Variants in ZC3H12B observed in about 807,000 individuals in gnomAD.
The protein encoded by ZC3H12B is probable ribonuclease ZC3H12B.
A neutral mutation model predicts 43.9 loss-of-function variants in ZC3H12B; 7 were observed. The observed-to-expected ratio is 0.16, with a 90% CI of 0.09 to 0.30. The LOEUF (loss-of-function observed/expected upper bound fraction) is 0.30. Among genes scored for constraint, ZC3H12B ranks in the 10% least tolerant of loss-of-function variants. The probability of loss-of-function intolerance (pLI) is 1.00; values close to 1 mark genes in which losing one functional copy is unlikely to be tolerated. For missense variants in ZC3H12B, 475 were observed against 670.2 expected, an observed-to-expected ratio of 0.71 and a Z score of 3.22; for synonymous variants, 222 against 241.7, an observed-to-expected ratio of 0.92 and a Z score of 0.76.
the ZC3H12B span, among the ~76,000 whole-genome samples, chrX:65,349,565 T>C: frequency 9.0e-6 from 1 of 111,202 alleles, no homozygotes; most frequent in Non-Finnish European, 1.9e-5. Context: ...AAAAAATCAA[T>C]GAATCCAGGA....
rs191424503 is a variant in ZC3H12B, at chrX:65,388,618, G to T, written n.296-9975G>T. ...TCCTTTAGCTCAGAGTAGTTTGATT[G>T]TCTTAAGCCTTCTTCTCTCAACTCG... On this transcript the variant is annotated intron_variant and non_coding_transcript_variant, in intron 2 of 5. Coordinates refer to the ZC3H12B transcript ENST00000617377. Among the ~76,000 whole-genome samples the T allele has an allele frequency of 5.9e-3, 659 of 111,211 alleles. 5 individuals carry two copies. The highest frequency in any genetic ancestry group is 0.02 in the African/African-American group (611 of 30,613).
the ZC3H12B span, among the ~76,000 whole-genome samples, chrX:65,047,815 A>T: frequency 1.4e-4 from 15 of 109,983 alleles, no homozygotes; most frequent in East Asian, 2.8e-4. Context: ...TTTTTTTTTT[A>T]AAAGAAAAAC....
chrX:65,339,220 A>C, the ZC3H12B span, among the ~76,000 whole-genome samples: 5 of 111,301 alleles, frequency 4.5e-5, no homozygotes, highest in Non-Finnish European at 7.5e-5. Flanking sequence ...ACAGATCTCC[A>C]GAGGGAAGGC....
the ZC3H12B span, among the ~76,000 whole-genome samples, chrX:65,249,338 C>A: frequency 9.0e-6 from 1 of 111,702 alleles, no homozygotes; most frequent in Non-Finnish European, 1.9e-5. Context: ...GTATCCTATC[C>A]CTACTTTATG....
At chrX:65,122,190 C>G in the ZC3H12B span, among the ~76,000 whole-genome samples, 1 of 110,775 alleles carries the variant, frequency 9.0e-6, no homozygotes, top group Non-Finnish European at 1.9e-5. Context: ...GAGTTCAATT[C>G]AAGAAAGTCT....
At chrX:65,101,152 A>C in the ZC3H12B span, among the ~76,000 whole-genome samples, 1 of 112,215 alleles carries the variant, frequency 8.9e-6, no homozygotes, top group Admixed American at 9.4e-5. Flanking sequence ...ACTACTGGGC[A>C]CATAATGAAA....
rs5902584 is a variant in ZC3H12B, at chrX:65,503,622, A to AT, written c.*425dup. On this transcript the variant is annotated 3_prime_UTR_variant, in exon 5 of 5. Transcript: ENST00000338957. ...TTTTCGTTTCTTTCTTTCTTTCTTTATTTTTTTTTTTTGAGACAGAATCTC... is the reference window on the plus strand; with the variant it reads ...TTTTCGTTTCTTTCTTTCTTTCTTTATTTTTTTTTTTTTGAGACAGAATCTC... 976 of 104,651 alleles carry AT rather than the reference A, an allele frequency of 9.3e-3. 3 individuals carry two copies. Among genetic ancestry groups the AT allele is most frequent in the South Asian group, 0.017 (42 of 2,487 alleles). The allele number at this position is 104,651 out of a possible 1,213,427, so 8.6% of individuals were successfully genotyped here. A position where few individuals can be genotyped will look rare whatever the true frequency, so the allele number is the denominator to read the frequency against.
the ZC3H12B span, among the ~76,000 whole-genome samples, chrX:65,080,691 T>C: frequency 8.9e-6 from 1 of 111,770 alleles, no homozygotes; most frequent in East Asian, 2.8e-4. Flanking sequence ...GCTAAGGGAT[T>C]TAATCAATAA....
At chrX:65,415,830 A>G (rs191413619) in intron 3 of ZC3H12B, among the ~76,000 whole-genome samples, 2 of 112,531 alleles carry the variant, frequency 1.8e-5, no homozygotes, top group Non-Finnish European at 3.8e-5. Flanking sequence ...TGGATATTAC[A>G]TGAAAAAATT....
At chrX:65,351,908 G>A in the ZC3H12B span, among the ~76,000 whole-genome samples, 6 of 112,342 alleles carry the variant, frequency 5.3e-5, no homozygotes, top group South Asian at 7.4e-4. Context: ...AGACAGTGTG[G>A]TGATTCCTCA....
chrX:65,294,390 A>C, the ZC3H12B span, among the ~76,000 whole-genome samples: 21 of 111,987 alleles, frequency 1.9e-4, no homozygotes, highest in Admixed American at 1.6e-3. Context: ...AAATACATCA[A>C]AATAGGACCT....
the ZC3H12B span, among the ~76,000 whole-genome samples, chrX:65,326,627 A>G: frequency 9.0e-6 from 1 of 111,079 alleles, no homozygotes; most frequent in East Asian, 2.8e-4. Flanking sequence ...TCAATAATCT[A>G]GTGTATTACT....
chrX:65,242,743 AG>A, the ZC3H12B span, among the ~76,000 whole-genome samples: 1 of 112,461 alleles, frequency 8.9e-6, no homozygotes, highest in Non-Finnish European at 1.9e-5. Flanking sequence ...ACAAAGGTAT[AG>A]TACCCAAAAC....
intron 3 of ZC3H12B, among the ~76,000 whole-genome samples, chrX:65,448,769 A>G (rs1369002428): frequency 9.4e-6 from 1 of 106,110 alleles, no homozygotes; most frequent in Non-Finnish European, 1.9e-5. Context: ...GTGAACCAAG[A>G]TTCACACCAC....
the ZC3H12B span, among the ~76,000 whole-genome samples, chrX:65,320,569 C>CA: frequency 9.0e-6 from 1 of 111,415 alleles, no homozygotes; most frequent in African/African-American, 3.3e-5. Flanking sequence ...TGTGTGGAAC[C>CA]AAAAAAAGTC....
At chrX:65,155,134 T>C in the ZC3H12B span, among the ~76,000 whole-genome samples, 1 of 110,273 alleles carries the variant, frequency 9.1e-6, no homozygotes, top group Non-Finnish European at 1.9e-5. Context: ...TTTTTTGTAT[T>C]TTTTATAGAG....
intron 3 of ZC3H12B, among the ~76,000 whole-genome samples, chrX:65,433,811 G>A (rs921011426): frequency 3.6e-5 from 4 of 111,772 alleles, no homozygotes; most frequent in East Asian, 5.6e-4. Context: ...TGAGGAGCTG[G>A]CCTACCCTTC....
the ZC3H12B span, among the ~76,000 whole-genome samples, chrX:65,125,996 A>C: frequency 4.9e-4 from 52 of 106,585 alleles, no homozygotes; most frequent in African/African-American, 1.6e-3. Flanking sequence ...ATGAGGTACT[A>C]TTCTATTAAT....
At chrX:65,181,932 A>G in the ZC3H12B span, among the ~76,000 whole-genome samples, 6 of 111,739 alleles carry the variant, frequency 5.4e-5, no homozygotes, top group African/African-American at 1.9e-4. Context: ...AAATCGTTCT[A>G]CTATAATGAA....
Sources: gnomAD v4.1 joint callset for allele counts (sites outside exome capture counted in the v4.1 genomes callset) on GRCh38, gnomAD v4.1.1 for gene constraint, MANE v1.5 for transcripts, NCBI Gene and HGNC (gene_info 2026-07-23, HGNC 2026-07-21) for gene names.